PCBP3: variants seen among roughly 807,000 people sequenced by gnomAD.
PCBP3 encodes the protein poly(rC)-binding protein 3.
In PCBP3, 25 loss-of-function variants were observed where a neutral mutation model predicts 52.7. The ratio of observed to expected loss-of-function variants is 0.47; its 90% CI spans 0.35 to 0.66. The LOEUF (loss-of-function observed/expected upper bound fraction) is 0.66, where lower values mean the gene tolerates loss of function less well. PCBP3 is among the 30% of genes least tolerant of loss of function. PCBP3 has a pLI of 0.01. For missense variants in PCBP3, 391 were observed against 490.3 expected (o/e 0.80, Z 1.91); for synonymous variants, 162 against 183.0 (o/e 0.89, Z 0.93).
intron 1 of PCBP3, among the ~76,000 whole-genome samples, chr21:45,649,447 T>C (rs1393904711): frequency 6.6e-6 from 1 of 152,220 alleles, no homozygotes; most frequent in Non-Finnish European, 1.5e-5. Context: ...AACTTATTTT[T>C]GTGTGGGGTA....
chr21:45,814,662 GAGTGA>G (rs2092797452), intron 4 of PCBP3, among the ~76,000 whole-genome samples: 1 of 137,812 alleles, frequency 7.3e-6, no homozygotes, highest in African/African-American at 2.7e-5. Flanking sequence ...AGTGAGTGGT[GAGTGA>G]TGAGTGGTGA....
At chr21:45,898,007 A>G (rs73907907) in intron 6 of PCBP3, among the ~76,000 whole-genome samples, 2,374 of 152,240 alleles carry the variant, frequency 0.016, 73 homozygotes, top group African/African-American at 0.054. Flanking sequence ...CAGCACTGGC[A>G]CATCCTAGAT....
At position 45,909,231 on chromosome 21, in the gene PCBP3, C is replaced by T. The variant is rs1002800410; in HGVS notation, c.340-124C>T. 102 of 1,046,520 alleles carry T rather than the reference C, an allele frequency of 9.7e-5. 1 individual carries two copies. The highest frequency in any genetic ancestry group is 6.4e-4 in the Middle Eastern group (3 of 4,656). 64.8% of individuals were successfully genotyped at this position (1,046,520 alleles called of 1,614,324 possible). A position where few individuals can be genotyped will look rare whatever the true frequency, so the allele number is the denominator to read the frequency against. On this transcript the variant is annotated intron_variant, in intron 9 of 17. Coordinates refer to ENST00000681687, the MANE Select transcript of PCBP3 (RefSeq NM_001384156.1). ...TGGCCTGGCCTGGCCACTTTGTCCT[C>T]GGCTGTGCATGACAGGGGCTCTGTG...
At chr21:45,723,488 A>G (rs1410840871) in intron 2 of PCBP3, among the ~76,000 whole-genome samples, 1 of 152,258 alleles carries the variant, frequency 6.6e-6, no homozygotes, top group Non-Finnish European at 1.5e-5. Flanking sequence ...TTCATGTACT[A>G]ACTGACATTG....
intron 4 of PCBP3, among the ~76,000 whole-genome samples, chr21:45,810,989 G>A (rs953940803): frequency 5.3e-5 from 8 of 152,154 alleles, no homozygotes; most frequent in East Asian, 1.9e-4. Flanking sequence ...AATATCTACC[G>A]GATCAGTACT....
At chr21:45,864,225 G>C (rs1055209667) in intron 5 of PCBP3, among the ~76,000 whole-genome samples, 1 of 152,096 alleles carries the variant, frequency 6.6e-6, no homozygotes, top group Non-Finnish European at 1.5e-5. Flanking sequence ...GTGAACGCTG[G>C]CCTCTGAACT....
intron 17 of PCBP3, among the ~76,000 whole-genome samples, chr21:45,940,595 C>T (rs999793917): frequency 2.0e-5 from 3 of 152,150 alleles, no homozygotes; most frequent in East Asian, 3.9e-4. Context: ...CTCATGGAAA[C>T]GTGTAGGGAC....
Position 45,830,383 on chromosome 21 carries a change from C to G in PCBP3, c.-125-19578C>G, listed in dbSNP as rs919205528. Reference sequence around the variant, plus strand: ...CCATGGGAGGATCGTGAACACATAGCCTTTCAGAGGCCTCTATAATGCGCC... The same window carrying G: ...CCATGGGAGGATCGTGAACACATAGGCTTTCAGAGGCCTCTATAATGCGCC... On this transcript the variant is annotated intron_variant, in intron 4 of 17. Coordinates refer to ENST00000681687, the MANE Select transcript of PCBP3 (RefSeq NM_001384156.1). This position sits in a 1 kb window ranked among gnomAD's most constrained non-coding sequence, Gnocchi z 4.4. The G allele has an allele frequency of 3.9e-5, 6 of 152,948 alleles. No individual in the cohort carries two copies. The highest frequency in any genetic ancestry group is 5.9e-5 in the Non-Finnish European group (4 of 68,168). 9.5% of individuals were successfully genotyped at this position (152,948 alleles called of 1,614,324 possible).
chr21:45,935,805 T>C (rs1420042851), intron 16 of PCBP3, among the ~76,000 whole-genome samples: 4 of 152,362 alleles, frequency 2.6e-5, no homozygotes, highest in East Asian at 3.9e-4. Context: ...AGTCTATTCA[T>C]GCCTTCAGCA....
intron 4 of PCBP3, among the ~76,000 whole-genome samples, chr21:45,789,866 G>T (rs144347933): frequency 6.6e-6 from 1 of 152,190 alleles, no homozygotes; most frequent in South Asian, 2.1e-4. Flanking sequence ...TCGGCCGGGC[G>T]CAGTGGCTCA....
chr21:45,684,909 G>T (rs1226890796), intron 2 of PCBP3, among the ~76,000 whole-genome samples: 1 of 152,150 alleles, frequency 6.6e-6, no homozygotes, highest in East Asian at 1.9e-4. Context: ...TTTACATGAG[G>T]TTTGATAAAT....
At chr21:45,855,542 C>G (rs902939078) in intron 5 of PCBP3, among the ~76,000 whole-genome samples, 4 of 152,356 alleles carry the variant, frequency 2.6e-5, no homozygotes, top group Non-Finnish European at 4.4e-5. Context: ...TACAGAGCCC[C>G]TTAGAGTTGA....
chr21:45,767,706 A>G (rs117706620), intron 4 of PCBP3, among the ~76,000 whole-genome samples: 1 of 152,340 alleles, frequency 6.6e-6, no homozygotes, highest in Non-Finnish European at 1.5e-5. Flanking sequence ...CTTGCTCAGG[A>G]TAGGACAGAC....
chr21:45,881,453 A>G (rs560071732), intron 5 of PCBP3, among the ~76,000 whole-genome samples: 86 of 152,148 alleles, frequency 5.7e-4, no homozygotes, highest in Admixed American at 5.5e-3. Context: ...ACCACACCCA[A>G]CTAATTTTTT....
At chr21:45,918,376 C>CA (rs2073862469) in intron 13 of PCBP3, 1 of 125,714 alleles carries the variant, frequency 8.0e-6, no homozygotes, top group Non-Finnish European at 1.8e-5. Context: ...CTCAGATAAA[C>CA]GGTCGGTGTA....
At chr21:45,661,380 C>T (rs1220979739) in intron 1 of PCBP3, among the ~76,000 whole-genome samples, 1 of 152,020 alleles carries the variant, frequency 6.6e-6, no homozygotes, top group Non-Finnish European at 1.5e-5. Flanking sequence ...TTACTTAGCT[C>T]CCATATTCTC....
intron 2 of PCBP3, among the ~76,000 whole-genome samples, chr21:45,729,019 A>G (rs2085261795): frequency 6.6e-6 from 1 of 152,092 alleles, no homozygotes; most frequent in African/African-American, 2.4e-5. Context: ...CTTTTTCAAA[A>G]CTTTTTTGTT....
At chr21:45,799,749 G>A (rs1043895568) in intron 4 of PCBP3, among the ~76,000 whole-genome samples, 1 of 152,194 alleles carries the variant, frequency 6.6e-6, no homozygotes, top group African/African-American at 2.4e-5. Flanking sequence ...CAGAGCCTGG[G>A]GTGCTGGGAA....
In PCBP3 at chr21:45,799,284, G is replaced by A. The variant is rs558792027; in HGVS notation, c.-126+43832G>A. 6.4e-4 allele frequency among the ~76,000 whole-genome samples: 97 copies of A among 152,312 alleles called. No individual in the cohort carries two copies. In the Middle Eastern group the frequency reaches 0.01, roughly 16 times the overall value. ...GTTTGAAATTATATCACAATAACAA[G>A]TTGTCCGATGAGTACAGTAGTCCCC... On this transcript the variant is annotated intron_variant, in intron 4 of 17. Coordinates refer to ENST00000681687, the MANE Select transcript of PCBP3 (RefSeq NM_001384156.1).
Sources: gnomAD v4.1 joint callset for allele counts (sites outside exome capture counted in the v4.1 genomes callset) on GRCh38, gnomAD v4.1.1 for gene constraint, Gnocchi (gnomAD v3.1) non-coding constraint, MANE v1.5 for transcripts, NCBI Gene and HGNC (gene_info 2026-07-23, HGNC 2026-07-21) for gene names.